Variants in PPP2R5A observed in about 807,000 individuals in gnomAD.
The protein encoded by PPP2R5A is protein phosphatase 2 regulatory subunit B'alpha, also known as serine/threonine-protein phosphatase 2A 56 kDa regulatory subunit alpha isoform.
In PPP2R5A, 25 loss-of-function variants were observed where a neutral mutation model predicts 64.2. The observed-to-expected ratio is 0.39, with a 90% confidence interval of 0.28 to 0.54. The LOEUF (loss-of-function observed/expected upper bound fraction) is 0.54, where lower values mean the gene tolerates loss of function less well. PPP2R5A is among the 20% of genes least tolerant of loss of function. The probability of loss-of-function intolerance (pLI) is 0.67; values close to 1 mark genes in which losing one functional copy is unlikely to be tolerated. For synonymous variants in PPP2R5A, 198 were observed against 201.2 expected, an observed-to-expected ratio of 0.98 and a Z score of 0.13; for missense variants, 425 against 576.3, an observed-to-expected ratio of 0.74 and a Z score of 2.69.
In PPP2R5A at chr1:212,294,245, C is replaced by T. The variant is rs184340099; in HGVS notation, c.181+7954C>T. On this transcript the variant is annotated intron_variant, in intron 1 of 12. Transcript: ENST00000261461. ...TACCATAAGTCAATGGTTATTTGAA[C>T]TCATTGTTAATCCCCTGCCTCTAAA... Among the ~76,000 whole-genome samples the T allele has an allele frequency of 1.5e-3, 235 of 152,146 alleles. 3 individuals are homozygous for T. Among genetic ancestry groups the T allele is most frequent in the Admixed American group, 0.013 (196 of 15,270 alleles).
Position 212,295,401 on chromosome 1 carries a change from C to T in PPP2R5A, c.181+9110C>T, listed in dbSNP as rs577219118. On this transcript the variant is annotated intron_variant, in intron 1 of 12. Coordinates refer to ENST00000261461, the MANE Select transcript of PPP2R5A (RefSeq NM_006243.4). Reference sequence around the variant, plus strand: ...GATAATGGTTCTTTGTTGGACAGGTCGAAGTGTCCATGGGAAATTGAAGTG... The same window carrying T: ...GATAATGGTTCTTTGTTGGACAGGTTGAAGTGTCCATGGGAAATTGAAGTG... Among the ~76,000 whole-genome samples the T allele has an allele frequency of 4.6e-5, 7 of 152,150 alleles. No homozygotes were observed. In the East Asian group the frequency reaches 5.8e-4, roughly 13 times the overall value.
Position 212,360,907 on chromosome 1 carries a change from T to TA in PPP2R5A, c.*138dup. The TA allele has an allele frequency of 1.4e-6, 1 of 738,758 alleles. No homozygotes were observed. Among genetic ancestry groups the TA allele is most frequent in the East Asian group, 3.2e-5 (1 of 31,206 alleles). The allele number at this position is 738,758 out of a possible 1,614,324, so 45.8% of individuals were successfully genotyped here. A position where few individuals can be genotyped will look rare whatever the true frequency, so the allele number is the denominator to read the frequency against. ...TTTCTGGCAACTGTAAATGGAAAAA[T>TA]ATATGGACTAAACGTAGCCCTGTGC... On this transcript the variant is annotated 3_prime_UTR_variant, in exon 13 of 13. Transcript: ENST00000261461.
Position 212,329,940 on chromosome 1 carries a change from G to A in PPP2R5A, c.378+609G>A, listed in dbSNP as rs74650661. ...ATTATAGGCGTGAGCCACCGCACCCGGCCATTACTAAGAACTTGTAAAGGG... is the reference window on the plus strand; with the variant it reads ...ATTATAGGCGTGAGCCACCGCACCCAGCCATTACTAAGAACTTGTAAAGGG... On this transcript the variant is annotated intron_variant, in intron 2 of 12. Coordinates refer to ENST00000261461, the MANE Select transcript of PPP2R5A (RefSeq NM_006243.4). Among the ~76,000 whole-genome samples, 1,194 of 152,166 alleles carry A rather than the reference G, an allele frequency of 7.8e-3. 17 individuals carry two copies. The highest frequency in any genetic ancestry group is 0.027 in the African/African-American group (1,124 of 41,520).
At chr1:212,295,614 A>G (rs1658679216) in intron 1 of PPP2R5A, among the ~76,000 whole-genome samples, 1 of 152,214 alleles carries the variant, frequency 6.6e-6, no homozygotes, top group Admixed American at 6.5e-5. Context: ...AAAAAGGTAC[A>G]ACCAAGAGCC....
chr1:212,335,692 C>A (rs931383591), intron 3 of PPP2R5A, among the ~76,000 whole-genome samples: 1 of 152,120 alleles, frequency 6.6e-6, no homozygotes, highest in East Asian at 1.9e-4. Context: ...TAGAAAAATC[C>A]TAAGTGGTAA....
chr1:212,338,823 A>C (rs1659633467), intron 3 of PPP2R5A, among the ~76,000 whole-genome samples: 1 of 151,922 alleles, frequency 6.6e-6, no homozygotes, highest in South Asian at 2.1e-4. Flanking sequence ...CCATAGAAAA[A>C]CTTCAGTCAC....
At chr1:212,298,808 A>C (rs1658741728) in intron 1 of PPP2R5A, among the ~76,000 whole-genome samples, 1 of 24,974 alleles carries the variant, frequency 4.0e-5, no homozygotes, top group Non-Finnish European at 7.2e-5. Context: ...AGGGGTCCTC[A>C]CTTCCCAGTA....
In PPP2R5A at chr1:212,347,424, G is replaced by T. The variant is rs779149462; in HGVS notation, c.764+18G>T. On this transcript the variant is annotated intron_variant, in intron 6 of 12. Transcript: ENST00000261461. ...TTAGGAAGGTAGGTCAGGTTTTTTT[G>T]TTCTTTTTAAGAATTAAGTAAGTGA... 2.6e-6 allele frequency: 4 copies of T among 1,556,354 alleles called. No homozygotes were observed. The highest frequency in any genetic ancestry group is 3.5e-5 in the Admixed American group (2 of 57,254).
chr1:212,338,698 A>T (rs1224435870), intron 3 of PPP2R5A, among the ~76,000 whole-genome samples: 2 of 152,102 alleles, frequency 1.3e-5, no homozygotes, highest in African/African-American at 4.8e-5. Flanking sequence ...GAGGCAGGAG[A>T]ATGGCTTGAA....
intron 1 of PPP2R5A, among the ~76,000 whole-genome samples, chr1:212,304,310 G>A (rs11119906): frequency 0.037 from 5,660 of 152,148 alleles, 345 homozygotes; most frequent in African/African-American, 0.12. Flanking sequence ...CAGCACTTTG[G>A]GAGGCCGAGG....
chr1:212,332,970 C>T (rs1435830965), intron 2 of PPP2R5A, among the ~76,000 whole-genome samples: 9 of 151,030 alleles, frequency 6.0e-5, no homozygotes, highest in Non-Finnish European at 1.0e-4. Flanking sequence ...GGTATGATCT[C>T]GGCTCACTGC....
chr1:212,358,800 T>C lies in PPP2R5A; in HGVS notation c.1328+13T>C. 1.9e-6 allele frequency: 3 copies of C among 1,590,620 alleles called. No individual in the cohort carries two copies. Among genetic ancestry groups the C allele is most frequent in the South Asian group, 1.1e-5 (1 of 90,066 alleles). ...CTGAAAGACAGAGGTATTTGATATTTTGAATTACAAAATTATCTATACATT... is the reference window on the plus strand; with the variant it reads ...CTGAAAGACAGAGGTATTTGATATTCTGAATTACAAAATTATCTATACATT... On this transcript the variant is annotated intron_variant, in intron 12 of 12. Transcript: ENST00000261461.
chr1:212,352,977 T>C (rs746209899), intron 8 of PPP2R5A: 17 of 517,158 alleles, frequency 3.3e-5, no homozygotes, highest in Non-Finnish European at 6.6e-5. Flanking sequence ...TGACAAGCAT[T>C]TGTTGCCTTA....
Position 212,347,308 on chromosome 1 carries a change from TTTGA to T in PPP2R5A, c.705-36_705-33del, listed in dbSNP as rs773058417. ...GCCTGTTTCTCTTAGTTTTCTGAAG[TTTGA>T]TTTTGATTACATCTTGTCTTTATTT... On this transcript the variant is annotated intron_variant, in intron 5 of 12. Coordinates refer to ENST00000261461, the MANE Select transcript of PPP2R5A (RefSeq NM_006243.4). The T allele has an allele frequency of 2.1e-6, 3 of 1,428,196 alleles. No homozygotes were observed. The South Asian group carries it at 3.7e-5, about 17-fold the overall frequency. The allele number at this position is 1,428,196 out of a possible 1,614,324, so 88.5% of individuals were successfully genotyped here.
At chr1:212,340,110 G>A (rs926140340) in intron 3 of PPP2R5A, among the ~76,000 whole-genome samples, 2 of 150,588 alleles carry the variant, frequency 1.3e-5, no homozygotes, top group Non-Finnish European at 3.0e-5. Context: ...CCTGGGCAAC[G>A]TGGTGAAACT....
chr1:212,295,848 T>A (rs1310168622), intron 1 of PPP2R5A, among the ~76,000 whole-genome samples: 1 of 151,998 alleles, frequency 6.6e-6, no homozygotes, highest in Non-Finnish European at 1.5e-5. Context: ...AAATGAGATT[T>A]GTGTAAGGTG....
Position 212,318,614 on chromosome 1 carries a change from G to T in PPP2R5A, c.182-10521G>T, listed in dbSNP as rs113809707. Among the ~76,000 whole-genome samples the T allele has an allele frequency of 2.4e-3, 360 of 152,226 alleles. 3 individuals are homozygous for T. The highest frequency in any genetic ancestry group is 8.3e-3 in the African/African-American group (346 of 41,532). On this transcript the variant is annotated intron_variant, in intron 1 of 12. Coordinates refer to ENST00000261461, the MANE Select transcript of PPP2R5A (RefSeq NM_006243.4). Reference sequence around the variant, plus strand: ...TAGATAGTAGTCTGAATTGCTCCTTGGTTAATACTTGGGAAGATCAAAATA... The same window carrying T: ...TAGATAGTAGTCTGAATTGCTCCTTTGTTAATACTTGGGAAGATCAAAATA...
chr1:212,359,266 G>T (rs964567000), intron 12 of PPP2R5A, among the ~76,000 whole-genome samples: 1 of 152,158 alleles, frequency 6.6e-6, no homozygotes, highest in African/African-American at 2.4e-5. Flanking sequence ...AGTGTTCTTT[G>T]TTAGCAGTAG....
chr1:212,302,407 A>G (rs1390891706), intron 1 of PPP2R5A, among the ~76,000 whole-genome samples: 1 of 152,214 alleles, frequency 6.6e-6, no homozygotes, highest in Non-Finnish European at 1.5e-5. Flanking sequence ...GTTATAGGAA[A>G]CATAAAGACA....
Sources: gnomAD v4.1 joint callset for allele counts (sites outside exome capture counted in the v4.1 genomes callset) on GRCh38, gnomAD v4.1.1 for gene constraint, MANE v1.5 for transcripts, NCBI Gene and HGNC (gene_info 2026-07-23, HGNC 2026-07-21) for gene names.